The following NRXN3 variants were observed in gnomAD, a reference collection of about 807,000 sequenced individuals.
NRXN3 encodes neurexin III.
A neutral mutation model predicts 137.6 loss-of-function variants in NRXN3; 32 were observed. The observed-to-expected ratio is 0.23, with a 90% CI of 0.18 to 0.31. The LOEUF (loss-of-function observed/expected upper bound fraction) is 0.31, where lower values mean the gene tolerates loss of function less well. NRXN3 is among the 10% of genes least tolerant of loss of function. NRXN3 has a pLI of 1.00. For synonymous variants in NRXN3, 798 were observed against 784.5 expected, an observed-to-expected ratio of 1.02 and a Z score of -0.29; for missense variants, 1,574 against 2,062.5, an observed-to-expected ratio of 0.76 and a Z score of 4.59.
chr14:79,758,236 A>G (rs577240910), intron 19 of NRXN3, among the ~76,000 whole-genome samples: 1 of 152,268 alleles, frequency 6.6e-6, no homozygotes, highest in South Asian at 2.1e-4. Context: ...ATAAAGAAAC[A>G]TGTGAGACTG....
chr14:79,067,644 G>A (rs916199989), intron 15 of NRXN3, among the ~76,000 whole-genome samples: 3 of 151,804 alleles, frequency 2.0e-5, no homozygotes, highest in East Asian at 1.9e-4. Flanking sequence ...ATTTCAGAAC[G>A]TGGTCTATTC....
rs191681679 is a variant in NRXN3 at position 79,298,325 on chromosome 14, T to C, written c.3263-168896T>C. ...AAGCACCCACTTCAGATAATAAAGA[T>C]ATAATTCCAGTTATTCAAATTTGTG... On this transcript the variant is annotated intron_variant, in intron 15 of 20. Transcript: ENST00000335750. 1.8e-3 allele frequency among the ~76,000 whole-genome samples: 277 copies of C among 152,170 alleles called. 9 individuals are homozygous for C. Among genetic ancestry groups the C allele is most frequent in the Admixed American group, 0.018 (276 of 15,250 alleles).
At chr14:79,699,759 T>C (rs887211047) in intron 19 of NRXN3, among the ~76,000 whole-genome samples, 2 of 152,040 alleles carry the variant, frequency 1.3e-5, no homozygotes, top group Non-Finnish European at 2.9e-5. Context: ...CAATAGCCTC[T>C]CTCTGGCATG....
Position 79,336,255 on chromosome 14 carries a change from T to C in NRXN3, c.3263-130966T>C, listed in dbSNP as rs2092251281. On this transcript the variant is annotated intron_variant, in intron 15 of 20. Coordinates refer to ENST00000335750, the MANE Select transcript of NRXN3 (RefSeq NM_001330195.2). Reference sequence around the variant, plus strand: ...TCCCCCCATTCTTACAACAGCCTGCTGAAGCCTCCAAGGTATTGGGTCATG... The same window carrying C: ...TCCCCCCATTCTTACAACAGCCTGCCGAAGCCTCCAAGGTATTGGGTCATG... 2.6e-5 allele frequency among the ~76,000 whole-genome samples: 4 copies of C among 152,144 alleles called. No homozygotes were observed. The South Asian group carries it at 6.2e-4, about 24-fold the overall frequency.
intron 4 of NRXN3, among the ~76,000 whole-genome samples, chr14:78,365,399 G>A (rs1448025093): frequency 6.6e-6 from 1 of 152,188 alleles, no homozygotes; most frequent in Non-Finnish European, 1.5e-5. Flanking sequence ...ACTCCATGCA[G>A]ACATTCAGAT....
intron 9 of NRXN3, among the ~76,000 whole-genome samples, 188 bp downstream of exon 9, chr14:78,804,011 T>C (rs2098847459): frequency 6.6e-6 from 1 of 152,284 alleles, no homozygotes; most frequent in Admixed American, 6.5e-5. Context: ...GAGGTTTTGA[T>C]GTCAATTTCT....
chr14:78,987,169 A>G (rs2099508663), intron 14 of NRXN3, among the ~76,000 whole-genome samples: 1 of 152,124 alleles, frequency 6.6e-6, no homozygotes, highest in Non-Finnish European at 1.5e-5. Flanking sequence ...AAAAGTTTCT[A>G]ATTCAATGGG....
At chr14:79,823,738 G>A (rs1020935844) in intron 20 of NRXN3, among the ~76,000 whole-genome samples, 4 of 152,122 alleles carry the variant, frequency 2.6e-5, no homozygotes, top group South Asian at 2.1e-4. Flanking sequence ...CGCCAGACCC[G>A]TAATTTTTTA....
At chr14:78,967,881 A>G (rs1282865791) in intron 13 of NRXN3, among the ~76,000 whole-genome samples, 6 of 152,208 alleles carry the variant, frequency 3.9e-5, no homozygotes, top group African/African-American at 1.4e-4. Flanking sequence ...ACAAGCACAT[A>G]AAAAGCACTC....
At chr14:79,555,940 G>A (rs145977570) in intron 16 of NRXN3, among the ~76,000 whole-genome samples, 3,004 of 152,246 alleles carry the variant, frequency 0.02, 52 homozygotes, top group South Asian at 0.037. Flanking sequence ...TTCTGCTGCT[G>A]TCACTGGCTG....
chr14:79,757,850 T>C (rs753297133), intron 19 of NRXN3, among the ~76,000 whole-genome samples: 19 of 152,162 alleles, frequency 1.2e-4, no homozygotes, highest in Non-Finnish European at 2.8e-4. Flanking sequence ...AGGCCTATCA[T>C]CCGAGAGACC....
intron 15 of NRXN3, among the ~76,000 whole-genome samples, chr14:79,100,928 T>C (rs1043030761): frequency 2.0e-5 from 3 of 152,152 alleles, no homozygotes; most frequent in African/African-American, 7.2e-5. Context: ...AATAGATAGA[T>C]CTTATGGATT....
In NRXN3 at chr14:79,641,690, C is replaced by A. The variant is rs1260760139; in HGVS notation, c.3445-22088C>A. Among the ~76,000 whole-genome samples, 3 of 135,100 alleles carry A rather than the reference C, an allele frequency of 2.2e-5. 1 individual carries two copies. The Admixed American group carries it at 2.3e-4, about 11-fold the overall frequency. 88.6% of individuals were successfully genotyped at this position (135,100 alleles called of 152,430 possible). A position where few individuals can be genotyped will look rare whatever the true frequency, so the allele number is the denominator to read the frequency against. The stretch of plus-strand genomic sequence containing the variant: ...AGTGTCTATCCAGGGCTTAGTCTTT[C>A]ATGGTACATTTCTGCAGCACACAAA... On this transcript the variant is annotated intron_variant, in intron 16 of 20. Coordinates refer to ENST00000335750, the MANE Select transcript of NRXN3 (RefSeq NM_001330195.2).
intron 19 of NRXN3, among the ~76,000 whole-genome samples, chr14:79,745,507 A>T (rs1045006589): frequency 2.0e-5 from 3 of 152,166 alleles, no homozygotes; most frequent in Non-Finnish European, 4.4e-5. Context: ...TTGGAGAGTT[A>T]AAAACAAATC....
chr14:79,818,046 GTTTT>G lies in NRXN3; in HGVS notation c.4093+12880_4093+12883del, dbSNP rs55815632. ...CCTATGCAATAATATGTGCACTTGG[GTTTT>G]TTTTTTTTTTTTTTTTTTTTTTTGA... On this transcript the variant is annotated intron_variant, in intron 20 of 20. Transcript: ENST00000335750. 1.6e-3 allele frequency among the ~76,000 whole-genome samples: 144 copies of G among 90,302 alleles called. 2 individuals carry two copies. The East Asian group carries it at 0.039, about 24-fold the overall frequency. The allele number at this position is 90,302 out of a possible 152,430, so 59.2% of individuals were successfully genotyped here.
intron 4 of NRXN3, among the ~76,000 whole-genome samples, chr14:78,619,629 A>T (rs144065707): frequency 1.8e-3 from 269 of 151,952 alleles, no homozygotes; most frequent in Middle Eastern, 0.01. Context: ...ATGAGATCTG[A>T]TGGTTTTATA....
intron 16 of NRXN3, among the ~76,000 whole-genome samples, chr14:79,580,923 T>C (rs1047836905): frequency 6.6e-6 from 1 of 152,168 alleles, no homozygotes; most frequent in Non-Finnish European, 1.5e-5. Context: ...TAACTTTTTT[T>C]TCTGAAAACA....
chr14:78,398,359 G>A (rs930259634), intron 4 of NRXN3, among the ~76,000 whole-genome samples: 1 of 151,940 alleles, frequency 6.6e-6, no homozygotes, highest in African/African-American at 2.4e-5. Flanking sequence ...GGACACTTTG[G>A]TTATTATTTT....
intron 5 of NRXN3, among the ~76,000 whole-genome samples, chr14:78,645,733 C>T (rs1010386381): frequency 2.0e-5 from 3 of 151,552 alleles, no homozygotes; most frequent in Non-Finnish European, 4.4e-5. Context: ...TTCTTAATTA[C>T]ATTTGAATCT....
Sources: gnomAD v4.1 joint callset for allele counts (sites outside exome capture counted in the v4.1 genomes callset) on GRCh38, gnomAD v4.1.1 for gene constraint, MANE v1.5 for transcripts, NCBI Gene and HGNC (gene_info 2026-07-23, HGNC 2026-07-21) for gene names.